Variants in CTNNA2 observed in about 807,000 individuals in gnomAD.
The protein encoded by CTNNA2 is catenin alpha-2.
CTNNA2 carries 42 observed loss-of-function variants against 101.0 expected under a neutral mutation model. The observed-to-expected ratio is 0.42, with a 90% CI of 0.32 to 0.54. The LOEUF (loss-of-function observed/expected upper bound fraction) is 0.54, where lower values mean the gene tolerates loss of function less well. Among genes scored for constraint, CTNNA2 ranks in the 20% least tolerant of loss-of-function variants. CTNNA2 has a pLI of 0.14. For missense variants in CTNNA2, 871 were observed against 1,223.1 expected (o/e 0.71, Z 4.29); for synonymous variants, 450 against 456.4 (o/e 0.99, Z 0.18).
At chr2:79,263,576 CA>C (rs767472770) in intron 2 of CTNNA2, among the ~76,000 whole-genome samples, 19 of 152,088 alleles carry the variant, frequency 1.2e-4, no homozygotes, top group Non-Finnish European at 2.6e-4. Context: ...TATAGCAATG[CA>C]AAAACAGACT....
chr2:79,220,277 C>T (rs1674325780), intron 2 of CTNNA2, among the ~76,000 whole-genome samples: 1 of 151,828 alleles, frequency 6.6e-6, no homozygotes, highest in Admixed American at 6.6e-5. Flanking sequence ...TCTCTTATTC[C>T]AACTAAGTTT....
chr2:79,624,092 G>T (rs1274113059), intron 1 of CTNNA2, among the ~76,000 whole-genome samples: 1 of 151,328 alleles, frequency 6.6e-6, no homozygotes, highest in Non-Finnish European at 1.5e-5. Context: ...CTACTACTTT[G>T]CAGGGGAACT....
chr2:80,351,608 G>A (rs1294739198), intron 7 of CTNNA2, among the ~76,000 whole-genome samples: 2 of 152,086 alleles, frequency 1.3e-5, no homozygotes, highest in Admixed American at 1.3e-4. Flanking sequence ...GGGTGATTTG[G>A]CATGAAATTT....
At chr2:80,020,013 C>A (rs924151156) in intron 7 of CTNNA2, among the ~76,000 whole-genome samples, 1 of 152,006 alleles carries the variant, frequency 6.6e-6, no homozygotes, top group South Asian at 2.1e-4. Context: ...CGCACTGTTA[C>A]AAAAGGAAGT....
chr2:80,477,911 G>T (rs1176216554), intron 9 of CTNNA2, among the ~76,000 whole-genome samples: 1 of 152,102 alleles, frequency 6.6e-6, no homozygotes, highest in African/African-American at 2.4e-5. Context: ...TAGATATCCA[G>T]TAGTGGGATT....
At chr2:79,372,157 G>A (rs1677886514) in intron 3 of CTNNA2, among the ~76,000 whole-genome samples, 1 of 152,066 alleles carries the variant, frequency 6.6e-6, no homozygotes, top group Admixed American at 6.6e-5. Context: ...CATTGTTCTG[G>A]GATTCCTGAT....
chr2:79,453,070 C>A (rs1320282732), intron 4 of CTNNA2, among the ~76,000 whole-genome samples: 2 of 152,122 alleles, frequency 1.3e-5, no homozygotes, highest in Non-Finnish European at 2.9e-5. Flanking sequence ...CTAACTTAAA[C>A]TGAGCACTTT....
intron 3 of CTNNA2, among the ~76,000 whole-genome samples, chr2:79,339,084 A>G (rs1677071157): frequency 6.6e-6 from 1 of 152,138 alleles, no homozygotes; most frequent in Admixed American, 6.6e-5. Context: ...TCACGTGGAG[A>G]AGTTGCCCAA....
intron 4 of CTNNA2, among the ~76,000 whole-genome samples, chr2:79,868,166 G>T (rs1249662689): frequency 6.6e-6 from 1 of 152,068 alleles, no homozygotes; most frequent in Non-Finnish European, 1.5e-5. Context: ...AATTGGGAAT[G>T]ACTAACATTG....
chr2:80,324,543 A>G (rs1251949801), intron 7 of CTNNA2, among the ~76,000 whole-genome samples: 1 of 152,222 alleles, frequency 6.6e-6, no homozygotes. Context: ...AAAGGTTTGG[A>G]GGACCTAGGA....
chr2:80,187,974 G>C (rs1220818160), intron 7 of CTNNA2, among the ~76,000 whole-genome samples: 1 of 152,080 alleles, frequency 6.6e-6, no homozygotes, highest in Non-Finnish European at 1.5e-5. Context: ...TCAGAACAAA[G>C]TTTACAGGAT....
At chr2:80,593,082 T>G (rs1179063749) in intron 15 of CTNNA2, among the ~76,000 whole-genome samples, 1 of 152,144 alleles carries the variant, frequency 6.6e-6, no homozygotes, top group South Asian at 2.1e-4. Flanking sequence ...TGATGCTCTT[T>G]CCAAGGAAAC....
chr2:79,611,379 A>G (rs1030831293), intron 1 of CTNNA2, among the ~76,000 whole-genome samples: 2 of 152,252 alleles, frequency 1.3e-5, no homozygotes, highest in African/African-American at 4.8e-5. Context: ...AAGGAAGCCA[A>G]CCTACCTGTG....
intron 7 of CTNNA2, among the ~76,000 whole-genome samples, chr2:80,140,416 A>G (rs1401514176): frequency 6.6e-6 from 1 of 152,128 alleles, no homozygotes; most frequent in Non-Finnish European, 1.5e-5. Context: ...CCAGCTGTGA[A>G]GCATAAGCTT....
At chr2:80,076,521 G>A (rs537440344) in intron 7 of CTNNA2, among the ~76,000 whole-genome samples, 7 of 151,440 alleles carry the variant, frequency 4.6e-5, no homozygotes, top group South Asian at 2.1e-4. Flanking sequence ...GGGCTCAAGC[G>A]ATCCTCCTGC....
intron 7 of CTNNA2, among the ~76,000 whole-genome samples, chr2:79,913,137 A>C (rs1018794491): frequency 6.6e-6 from 1 of 152,200 alleles, no homozygotes; most frequent in Non-Finnish European, 1.5e-5. Context: ...TATGAGCAAG[A>C]GTCACTTCAG....
intron 3 of CTNNA2, among the ~76,000 whole-genome samples, chr2:79,756,388 G>A (rs1672400907): frequency 6.6e-6 from 1 of 152,076 alleles, no homozygotes; most frequent in Non-Finnish European, 1.5e-5. Flanking sequence ...TCTATGCACA[G>A]GCACTATTTT....
At chr2:80,293,900 G>T (rs1333193505) in intron 7 of CTNNA2, among the ~76,000 whole-genome samples, 3 of 152,106 alleles carry the variant, frequency 2.0e-5, no homozygotes, top group African/African-American at 7.2e-5. Context: ...TGTCAGGCTT[G>T]GGATTGGGGT....
At chr2:80,406,315 CA>C (rs1431301660) in intron 8 of CTNNA2, among the ~76,000 whole-genome samples, 6 of 144,242 alleles carry the variant, frequency 4.2e-5, no homozygotes, top group Middle Eastern at 3.7e-3. Context: ...GCCTGGGCGA[CA>C]AGAGCAAAAC....
Sources: allele counts gnomAD v4.1 joint callset (sites outside exome capture counted in the v4.1 genomes callset), GRCh38; gene constraint gnomAD v4.1.1; transcripts MANE v1.5; gene names NCBI Gene and HGNC (gene_info 2026-07-23, HGNC 2026-07-21).